The following LPP variants were observed in gnomAD, a reference collection of about 807,000 sequenced individuals.
The protein encoded by LPP is LIM domain containing preferred translocation partner in lipoma.
Under a neutral mutation model 60.4 loss-of-function variants are expected in LPP, and 38 were observed. That is an observed-to-expected ratio of 0.63 (90% confidence interval 0.49 to 0.83). The LOEUF (loss-of-function observed/expected upper bound fraction) is 0.83. Ranked by LOEUF, LPP falls within the 40% of genes least tolerant of loss-of-function variation. LPP has a pLI of 0.00. For missense variants in LPP, 902 were observed against 783.6 expected, an observed-to-expected ratio of 1.15 and a Z score of -1.80; for synonymous variants, 328 against 290.8, an observed-to-expected ratio of 1.13 and a Z score of -1.30.
chr3:188,628,429 C>G (rs1344721534), intron 7 of LPP, among the ~76,000 whole-genome samples: 1 of 151,866 alleles, frequency 6.6e-6, no homozygotes, highest in East Asian at 1.9e-4. Flanking sequence ...TACCACCAAC[C>G]CCACAGCAAT....
intron 7 of LPP, among the ~76,000 whole-genome samples, chr3:188,665,534 A>G (rs1249790070): frequency 1.4e-5 from 2 of 144,226 alleles, no homozygotes; most frequent in Non-Finnish European, 3.0e-5. Flanking sequence ...ATCTCGGCTC[A>G]CTGCAACCTC....
At chr3:188,800,276 C>T (rs1209366177) in intron 9 of LPP, among the ~76,000 whole-genome samples, 13 of 121,352 alleles carry the variant, frequency 1.1e-4, no homozygotes, top group Non-Finnish European at 1.4e-4. Context: ...GATGGAGTCT[C>T]GCTCTGTCGC....
chr3:188,463,921 A>G (rs1414555129), intron 4 of LPP, among the ~76,000 whole-genome samples: 1 of 152,168 alleles, frequency 6.6e-6, no homozygotes, highest in Admixed American at 6.5e-5. Flanking sequence ...TGTGGCTTCT[A>G]TGTTGCTTTT....
chr3:188,655,837 T>C (rs1853070047), intron 7 of LPP, among the ~76,000 whole-genome samples: 1 of 152,084 alleles, frequency 6.6e-6, no homozygotes, highest in South Asian at 2.1e-4. Context: ...TATGCAGCTC[T>C]TACCAGTGAC....
At chr3:188,441,609 CTTTTTTTTTTTTT>C (rs1004222826) in intron 4 of LPP, among the ~76,000 whole-genome samples, 9 of 55,672 alleles carry the variant, frequency 1.6e-4, no homozygotes, top group South Asian at 8.7e-4. Flanking sequence ...CTTTTCTTTT[CTTTTTTTTTTTTT>C]TTTTTTTTTT....
At position 188,760,291 on chromosome 3, in the gene LPP, CA is replaced by C. The variant is rs749939002; in HGVS notation, c.1410+10del. 2 of 1,613,936 alleles carry C rather than the reference CA, an allele frequency of 1.2e-6. No homozygotes were observed. Among genetic ancestry groups the C allele is most frequent in the African/African-American group, 2.7e-5 (2 of 75,026 alleles). On this transcript the variant is annotated intron_variant, in intron 9 of 11. Coordinates refer to ENST00000617246, the MANE Select transcript of LPP (RefSeq NM_001375462.1). ...GCGAGCCCTGCTACATTGTAAGTTC[CA>C]GATTTGTTCCTCAAGCACTTTGCAA...
At chr3:188,241,842 G>A (rs1026463925) in intron 2 of LPP, among the ~76,000 whole-genome samples, 5 of 152,086 alleles carry the variant, frequency 3.3e-5, no homozygotes, top group African/African-American at 1.2e-4. Context: ...AGTAATGGTG[G>A]GGAGTAGGAC....
intron 4 of LPP, among the ~76,000 whole-genome samples, chr3:188,426,168 T>C (rs1789288499): frequency 1.4e-5 from 2 of 146,862 alleles, no homozygotes; most frequent in Admixed American, 1.3e-4. Context: ...TTCTGATTGG[T>C]TTCAAAGAAC....
chr3:188,575,833 A>G (rs1834491646), intron 6 of LPP, among the ~76,000 whole-genome samples: 1 of 152,038 alleles, frequency 6.6e-6, no homozygotes, highest in African/African-American at 2.4e-5. Context: ...GCCTCTTAGG[A>G]TCATGTGGGA....
At chr3:188,276,298 G>A (rs1302182896) in intron 2 of LPP, among the ~76,000 whole-genome samples, 4 of 152,100 alleles carry the variant, frequency 2.6e-5, no homozygotes, top group Admixed American at 1.3e-4. Flanking sequence ...ATCATGTGGC[G>A]ATGAAGTAGA....
At chr3:188,494,383 G>A (rs915823759) in intron 5 of LPP, among the ~76,000 whole-genome samples, 1 of 152,102 alleles carries the variant, frequency 6.6e-6, no homozygotes, top group Non-Finnish European at 1.5e-5. Flanking sequence ...TGTTTTCATC[G>A]GTGACTTTGC....
intron 3 of LPP, among the ~76,000 whole-genome samples, chr3:188,370,305 T>C (rs975265771): frequency 6.6e-6 from 1 of 152,132 alleles, no homozygotes; most frequent in Non-Finnish European, 1.5e-5. Flanking sequence ...AGAGAGCTCA[T>C]GTAAATTCCT....
chr3:188,394,551 A>AGAGTGT (rs1553885647), intron 3 of LPP, among the ~76,000 whole-genome samples: 1 of 146,884 alleles, frequency 6.8e-6, no homozygotes, highest in Non-Finnish European at 1.5e-5. Context: ...AAATATCTAA[A>AGAGTGT]GTGTGTGTGT....
chr3:188,753,808 G>A (rs1020709219), intron 8 of LPP, among the ~76,000 whole-genome samples: 10 of 151,874 alleles, frequency 6.6e-5, no homozygotes, highest in South Asian at 2.1e-4. Flanking sequence ...TTTGTAGAGG[G>A]AAAAACAAGA....
At chr3:188,299,646 C>T (rs1231690376) in intron 2 of LPP, among the ~76,000 whole-genome samples, 1 of 152,108 alleles carries the variant, frequency 6.6e-6, no homozygotes, top group Non-Finnish European at 1.5e-5. Context: ...CTGGGGTGGG[C>T]TATCTGTTTT....
At chr3:188,823,605 G>A (rs1425683339) in intron 9 of LPP, among the ~76,000 whole-genome samples, 1 of 152,086 alleles carries the variant, frequency 6.6e-6, no homozygotes, top group Middle Eastern at 3.2e-3. Flanking sequence ...AAATACTTTT[G>A]CATTTTATGG....
chr3:188,294,737 G>C (rs1747270526), intron 2 of LPP, among the ~76,000 whole-genome samples: 1 of 152,224 alleles, frequency 6.6e-6, no homozygotes, highest in African/African-American at 2.4e-5. Context: ...TGATTATGTT[G>C]AATGATAGTT....
chr3:188,783,718 T>A (rs933054830), intron 9 of LPP, among the ~76,000 whole-genome samples: 17 of 93,926 alleles, frequency 1.8e-4, no homozygotes, highest in South Asian at 9.7e-4. Flanking sequence ...AAGTTTTTTT[T>A]AAAAAAAGAA....
chr3:188,684,314 A>C (rs1176569132), intron 7 of LPP, among the ~76,000 whole-genome samples: 1 of 152,232 alleles, frequency 6.6e-6, no homozygotes, highest in Non-Finnish European at 1.5e-5. Flanking sequence ...CCAGGTTCTC[A>C]GTTGCTAAAT....
Sources: gnomAD v4.1 joint callset for allele counts (sites outside exome capture counted in the v4.1 genomes callset) on GRCh38, gnomAD v4.1.1 for gene constraint, MANE v1.5 for transcripts, NCBI Gene and HGNC (gene_info 2026-07-23, HGNC 2026-07-21) for gene names.